TRDN: variants seen among roughly 807,000 people sequenced by gnomAD.
TRDN encodes the protein triadin.
TRDN carries 161 observed loss-of-function variants against 149.7 expected under a neutral mutation model. The ratio of observed to expected loss-of-function variants is 1.08; its 90% CI spans 0.95 to 1.23. The LOEUF is 1.23. Among genes scored for constraint, TRDN ranks in the 50% most tolerant of loss-of-function variants. The pLI is 0.00. For synonymous variants in TRDN, 294 were observed against 250.5 expected (o/e 1.17, Z -1.64); for missense variants, 896 against 823.5 (o/e 1.09, Z -1.08).
Position 123,636,900 on chromosome 6 carries a change from T to C in TRDN, c.-125A>G. 1 of 1,066,570 alleles carries C rather than the reference T, an allele frequency of 9.4e-7. No homozygotes were observed. Among genetic ancestry groups the C allele is most frequent in the Non-Finnish European group, 1.4e-6 (1 of 704,598 alleles). 66.1% of individuals were successfully genotyped at this position (1,066,570 alleles called of 1,614,324 possible). A position where few individuals can be genotyped will look rare whatever the true frequency, so the allele number is the denominator to read the frequency against. Reference sequence around the variant, plus strand: ...AAAACCTGGGGGCTCTTCGTTTTCCTGGCTGTTTCTGCTGCTTCTTTGTTG... The same window carrying C: ...AAAACCTGGGGGCTCTTCGTTTTCCCGGCTGTTTCTGCTGCTTCTTTGTTG... On this transcript the variant is annotated 5_prime_UTR_variant, in exon 1 of 41. Transcript: ENST00000334268.
intron 1 of TRDN, among the ~76,000 whole-genome samples, chr6:123,575,244 A>G (rs1489284529): frequency 6.6e-6 from 1 of 152,002 alleles, no homozygotes; most frequent in Non-Finnish European, 1.5e-5. Flanking sequence ...TCCTTCTTAA[A>G]GAAAATTATG....
intron 38 of TRDN, among the ~76,000 whole-genome samples, chr6:123,251,766 T>C (rs1373222793): frequency 6.6e-6 from 1 of 152,010 alleles, no homozygotes; most frequent in East Asian, 1.9e-4. Flanking sequence ...TTTACAGTTA[T>C]ATCCTATATA....
intron 9 of TRDN, among the ~76,000 whole-genome samples, chr6:123,472,447 G>T (rs796729606): frequency 1.4e-4 from 21 of 152,196 alleles, no homozygotes; most frequent in African/African-American, 4.8e-4. Flanking sequence ...ACGGAATCTC[G>T]CTGATTGCTA....
At chr6:123,431,791 A>G (rs775884850) in intron 12 of TRDN, among the ~76,000 whole-genome samples, 4 of 152,190 alleles carry the variant, frequency 2.6e-5, no homozygotes, top group Non-Finnish European at 5.9e-5. Context: ...AGTCTGCCAT[A>G]TATATTATTT....
At chr6:123,623,871 T>C (rs1785518678) in intron 1 of TRDN, among the ~76,000 whole-genome samples, 1 of 152,170 alleles carries the variant, frequency 6.6e-6, no homozygotes, top group African/African-American at 2.4e-5. Context: ...TTGTTTTATA[T>C]TGATTCATTC....
At chr6:123,520,534 C>A (rs1779621102) in intron 5 of TRDN, among the ~76,000 whole-genome samples, 2 of 152,140 alleles carry the variant, frequency 1.3e-5, no homozygotes, top group South Asian at 2.1e-4. Flanking sequence ...TGTGATCTAC[C>A]TTCCAATAAT....
At chr6:123,374,846 G>A (rs1318427680) in intron 19 of TRDN, among the ~76,000 whole-genome samples, 1 of 151,998 alleles carries the variant, frequency 6.6e-6, no homozygotes, top group Non-Finnish European at 1.5e-5. Context: ...TTTGTTTTAT[G>A]TATTAGTAGC....
chr6:123,357,361 T>C (rs908419757), intron 20 of TRDN, among the ~76,000 whole-genome samples: 1 of 151,990 alleles, frequency 6.6e-6, no homozygotes, highest in Non-Finnish European at 1.5e-5. Flanking sequence ...GAAAAGGAGA[T>C]TTTAGGTATA....
At chr6:123,625,239 T>C (rs1182771436) in intron 1 of TRDN, among the ~76,000 whole-genome samples, 1 of 152,172 alleles carries the variant, frequency 6.6e-6, no homozygotes, top group African/African-American at 2.4e-5. Flanking sequence ...CAAAGTGAAA[T>C]AATCATAAGA....
rs180723825 is a variant in TRDN at position 123,221,653 on chromosome 6, C to T, written c.2015-131G>A. 278 of 470,072 alleles carry T rather than the reference C, an allele frequency of 5.9e-4. 2 individuals are homozygous for T. Among genetic ancestry groups the T allele is most frequent in the African/African-American group, 5.1e-3 (252 of 49,550 alleles). The allele number at this position is 470,072 out of a possible 1,614,324, so 29.1% of individuals were successfully genotyped here. On this transcript the variant is annotated intron_variant, in intron 39 of 40. Coordinates refer to ENST00000334268, the MANE Select transcript of TRDN (RefSeq NM_006073.4). ...CAGGAGTTACCCTTTTTATAGTATACTCCAGATTTGTACACAGATTCTATT... is the reference window on the plus strand; with the variant it reads ...CAGGAGTTACCCTTTTTATAGTATATTCCAGATTTGTACACAGATTCTATT...
chr6:123,439,194 T>C (rs1774742731), intron 10 of TRDN, among the ~76,000 whole-genome samples, 191 bp from the exon 11 acceptor site: 1 of 152,190 alleles, frequency 6.6e-6, no homozygotes, highest in South Asian at 2.1e-4. Flanking sequence ...AGTTAATGTT[T>C]ACAAAACACT....
chr6:123,379,111 C>T, intron 16 of TRDN, among the ~76,000 whole-genome samples: 1 of 152,100 alleles, frequency 6.6e-6, no homozygotes, highest in Non-Finnish European at 1.5e-5. Context: ...TGGAAAGATT[C>T]TTAAAGTTTT....
At chr6:123,440,808 A>G (rs1774834956) in intron 10 of TRDN, 2 of 152,130 alleles carry the variant, frequency 1.3e-5, no homozygotes, top group South Asian at 2.1e-4. Context: ...TTATTTTTCA[A>G]TTTTCTTTTA....
chr6:123,563,885 A>C (rs1782131849), intron 2 of TRDN, among the ~76,000 whole-genome samples: 1 of 152,166 alleles, frequency 6.6e-6, no homozygotes, highest in African/African-American at 2.4e-5. Context: ...TCAACTCAGT[A>C]CAACATCCGC....
At chr6:123,222,593 A>C (rs1326451551) in intron 39 of TRDN, among the ~76,000 whole-genome samples, 1 of 151,838 alleles carries the variant, frequency 6.6e-6, no homozygotes, top group Non-Finnish European at 1.5e-5. Flanking sequence ...TGTTTTCTCA[A>C]AGCACTATTT....
chr6:123,537,923 T>C (rs1780632831), intron 4 of TRDN, among the ~76,000 whole-genome samples: 1 of 152,242 alleles, frequency 6.6e-6, no homozygotes, highest in African/African-American at 2.4e-5. Context: ...AGATAGTTTG[T>C]AATTTTGTCT....
chr6:123,266,231 T>A (rs1274665044), intron 32 of TRDN, among the ~76,000 whole-genome samples: 3 of 37,330 alleles, frequency 8.0e-5, no homozygotes. Flanking sequence ...ATGTATTATA[T>A]ATTATATATA....
intron 9 of TRDN, among the ~76,000 whole-genome samples, chr6:123,474,366 A>G (rs1247019155): frequency 6.6e-6 from 1 of 151,898 alleles, no homozygotes; most frequent in East Asian, 1.9e-4. Context: ...ATAATGGTAA[A>G]GGGAGCTAAC....
At chr6:123,432,329 T>A (rs1774368808) in intron 12 of TRDN, among the ~76,000 whole-genome samples, 1 of 152,100 alleles carries the variant, frequency 6.6e-6, no homozygotes, top group Non-Finnish European at 1.5e-5. Flanking sequence ...ATATTGTATA[T>A]CTTACAAATG....
Sources: allele counts gnomAD v4.1 joint callset (sites outside exome capture counted in the v4.1 genomes callset), GRCh38; gene constraint gnomAD v4.1.1; transcripts MANE v1.5; gene names NCBI Gene and HGNC (gene_info 2026-07-23, HGNC 2026-07-21).